The following FANCC variants were observed in gnomAD, a reference collection of about 807,000 sequenced individuals.
FANCC encodes FA complementation group C.
In FANCC, 55 loss-of-function variants were observed where a neutral mutation model predicts 71.3. The observed-to-expected ratio is 0.77, with a 90% CI of 0.62 to 0.97. The LOEUF is 0.97. Among genes scored for constraint, FANCC ranks in the 50% least tolerant of loss-of-function variants. The pLI is 0.00. For missense variants in FANCC, 678 were observed against 670.9 expected (o/e 1.01, Z -0.12); for synonymous variants, 275 against 244.9 (o/e 1.12, Z -1.15).
At chr9:95,133,406 G>T (rs765176268) in intron 8 of FANCC, among the ~76,000 whole-genome samples, 2 of 152,232 alleles carry the variant, frequency 1.3e-5, no homozygotes, top group African/African-American at 4.8e-5. Context: ...CTGAATTTCT[G>T]CACACATGAT....
chr9:95,241,062 A>AT (rs1184808464), intron 3 of FANCC, among the ~76,000 whole-genome samples: 1 of 152,172 alleles, frequency 6.6e-6, no homozygotes, highest in East Asian at 1.9e-4. Flanking sequence ...AACAGTATCA[A>AT]TTTTTAAAGC....
intron 7 of FANCC, among the ~76,000 whole-genome samples, chr9:95,138,853 C>T (rs1295524814): frequency 2.0e-5 from 3 of 152,188 alleles, no homozygotes; most frequent in East Asian, 3.9e-4. Flanking sequence ...CAGTAAAGTG[C>T]GTGATGCGCC....
intron 1 of FANCC, among the ~76,000 whole-genome samples, chr9:95,298,321 G>A (rs1323547969): frequency 6.6e-6 from 1 of 152,172 alleles, no homozygotes; most frequent in African/African-American, 2.4e-5. Context: ...GGGCAACAAA[G>A]GAGTAGGAAC....
chr9:95,159,265 G>C (rs559692740), intron 6 of FANCC, among the ~76,000 whole-genome samples: 2 of 152,252 alleles, frequency 1.3e-5, no homozygotes, highest in East Asian at 3.9e-4. Flanking sequence ...TCCTACCTGT[G>C]AGTGAGAACA....
At chr9:95,304,835 T>C (rs1834982376) in intron 1 of FANCC, among the ~76,000 whole-genome samples, 3 of 151,706 alleles carry the variant, frequency 2.0e-5, no homozygotes, top group African/African-American at 7.3e-5. Context: ...TTGTGTCCTT[T>C]ATGCTGATGG....
At chr9:95,180,079 T>C (rs771533387) in intron 4 of FANCC, among the ~76,000 whole-genome samples, 69 of 152,244 alleles carry the variant, frequency 4.5e-4, no homozygotes, top group Non-Finnish European at 2.9e-5. Context: ...GCTTTGTGCA[T>C]GTACTTCTGT....
chr9:95,229,093 T>C (rs956371828), intron 4 of FANCC, among the ~76,000 whole-genome samples: 1 of 150,838 alleles, frequency 6.6e-6, no homozygotes, highest in Admixed American at 6.6e-5. Context: ...AGGTCAGGAG[T>C]TCAAGACCAG....
intron 6 of FANCC, among the ~76,000 whole-genome samples, chr9:95,164,063 G>C (rs892551624): frequency 6.6e-6 from 1 of 151,846 alleles, no homozygotes; most frequent in African/African-American, 2.4e-5. Context: ...TTCCTTTTTG[G>C]GTTGTTCTTA....
intron 6 of FANCC, among the ~76,000 whole-genome samples, chr9:95,150,743 C>T (rs550166880): frequency 2.6e-5 from 4 of 152,236 alleles, no homozygotes; most frequent in African/African-American, 7.2e-5. Flanking sequence ...GGTGGGTCCC[C>T]ATCTGTTTCA....
At chr9:95,111,047 A>G in intron 13 of FANCC, 1 of 1,464,564 alleles carries the variant, frequency 6.8e-7, no homozygotes, top group Non-Finnish European at 9.0e-7. Flanking sequence ...GATGGAAGCA[A>G]GCCCTGGCCG....
intron 1 of FANCC, among the ~76,000 whole-genome samples, chr9:95,252,401 G>A (rs1831402998): frequency 6.6e-6 from 1 of 151,232 alleles, no homozygotes; most frequent in African/African-American, 2.4e-5. Context: ...TGGGAACCCA[G>A]TAAAATGAAG....
chr9:95,203,395 A>AAAAAAAC (rs1168036347), intron 4 of FANCC, among the ~76,000 whole-genome samples: 1 of 151,524 alleles, frequency 6.6e-6, no homozygotes, highest in Non-Finnish European at 1.5e-5. Context: ...AAAAAAAAAA[A>AAAAAAAC]ACACCTGAAA....
At chr9:95,273,063 T>A (rs1360140529) in intron 1 of FANCC, among the ~76,000 whole-genome samples, 1 of 152,174 alleles carries the variant, frequency 6.6e-6, no homozygotes, top group Non-Finnish European at 1.5e-5. Flanking sequence ...CCTGAGGTTA[T>A]ATGAAGGAAT....
intron 4 of FANCC, among the ~76,000 whole-genome samples, chr9:95,236,077 T>C (rs908557677): frequency 5.3e-5 from 8 of 152,198 alleles, no homozygotes; most frequent in African/African-American, 1.9e-4. Flanking sequence ...GGATATTGCT[T>C]AGTATTGCAT....
At chr9:95,156,841 TTAA>T (rs1830483653) in intron 6 of FANCC, among the ~76,000 whole-genome samples, 1 of 152,210 alleles carries the variant, frequency 6.6e-6, no homozygotes, top group Admixed American at 6.5e-5. Context: ...TTTGCTGTCA[TTAA>T]TAATAACAAT....
At chr9:95,228,492 T>C (rs1012435865) in intron 4 of FANCC, among the ~76,000 whole-genome samples, 4 of 152,246 alleles carry the variant, frequency 2.6e-5, no homozygotes, top group African/African-American at 9.6e-5. Flanking sequence ...CCTATTCATT[T>C]CTTTACTGAT....
chr9:95,178,752 A>G (rs1327964746), intron 4 of FANCC, among the ~76,000 whole-genome samples: 1 of 152,266 alleles, frequency 6.6e-6, no homozygotes, highest in Non-Finnish European at 1.5e-5. Context: ...TTTAAGCTGA[A>G]TAACAATGTC....
At chr9:95,234,493 A>G (rs1830185287) in intron 4 of FANCC, among the ~76,000 whole-genome samples, 1 of 152,248 alleles carries the variant, frequency 6.6e-6, no homozygotes, top group Non-Finnish European at 1.5e-5. Context: ...CCTAAAATTT[A>G]TGTAACAGTT....
chr9:95,310,384 AG>A (rs1323674802), intron 1 of FANCC, among the ~76,000 whole-genome samples: 1 of 150,692 alleles, frequency 6.6e-6, no homozygotes. Flanking sequence ...AAAAAAAAGG[AG>A]GGGGGGAATT....
Sources: gnomAD v4.1 joint callset for allele counts (sites outside exome capture counted in the v4.1 genomes callset) on GRCh38, gnomAD v4.1.1 for gene constraint, MANE v1.5 for transcripts, NCBI Gene and HGNC (gene_info 2026-07-23, HGNC 2026-07-21) for gene names.